Variants in CNTNAP2 observed in about 807,000 individuals in gnomAD.
The protein encoded by CNTNAP2 is contactin-associated protein-like 2.
CNTNAP2 carries 98 observed loss-of-function variants against 155.2 expected under a neutral mutation model. The ratio of observed to expected loss-of-function variants is 0.63; its 90% CI spans 0.54 to 0.75. The LOEUF (loss-of-function observed/expected upper bound fraction) is 0.75, where lower values mean the gene tolerates loss of function less well. CNTNAP2 is among the 30% of genes least tolerant of loss of function. The pLI, the probability that CNTNAP2 is intolerant of heterozygous loss-of-function variation, is 0.00. For missense variants in CNTNAP2, 1,727 were observed against 1,688.1 expected, an observed-to-expected ratio of 1.02 and a Z score of -0.40; for synonymous variants, 651 against 631.2, an observed-to-expected ratio of 1.03 and a Z score of -0.47.
At chr7:146,733,369 C>A (rs113808410) in intron 1 of CNTNAP2, among the ~76,000 whole-genome samples, 315 of 152,066 alleles carry the variant, frequency 2.1e-3, no homozygotes, top group African/African-American at 7.1e-3. Context: ...TTTCAGTTGT[C>A]ATTTTATTCG....
chr7:147,314,668 C>T (rs374233523), intron 9 of CNTNAP2, among the ~76,000 whole-genome samples: 2 of 150,900 alleles, frequency 1.3e-5, no homozygotes, highest in Non-Finnish European at 3.0e-5. Context: ...CCTTTAATAT[C>T]TTTGGAACTT....
chr7:146,365,695 T>G (rs1584891050), intron 1 of CNTNAP2, among the ~76,000 whole-genome samples: 1 of 152,204 alleles, frequency 6.6e-6, no homozygotes, highest in Non-Finnish European at 1.5e-5. Flanking sequence ...TGAACTATAA[T>G]ATGGCAATGA....
intron 14 of CNTNAP2, among the ~76,000 whole-genome samples, chr7:147,921,182 A>G (rs920011071): frequency 2.0e-5 from 3 of 152,054 alleles, no homozygotes; most frequent in Non-Finnish European, 1.5e-5. Flanking sequence ...TTATTTTCAT[A>G]ATAATGAATT....
chr7:147,564,684 T>A (rs1317098050), intron 12 of CNTNAP2, among the ~76,000 whole-genome samples: 5 of 152,212 alleles, frequency 3.3e-5, no homozygotes, highest in Non-Finnish European at 7.3e-5. Flanking sequence ...ACTAGTCTAC[T>A]CTCAGGAGAG....
chr7:148,248,465 G>A (rs578062812), intron 20 of CNTNAP2, among the ~76,000 whole-genome samples: 2 of 152,298 alleles, frequency 1.3e-5, no homozygotes, highest in African/African-American at 4.8e-5. Context: ...CCAAAGTGCT[G>A]GGATTACAGG....
intron 13 of CNTNAP2, among the ~76,000 whole-genome samples, chr7:147,663,068 G>A (rs574736499): frequency 3.9e-5 from 6 of 152,050 alleles, no homozygotes; most frequent in Non-Finnish European, 8.8e-5. Context: ...GCGCGTTCTC[G>A]GCTCACTGCA....
intron 13 of CNTNAP2, among the ~76,000 whole-genome samples, chr7:147,656,807 C>T (rs932363545): frequency 6.6e-5 from 10 of 152,230 alleles, no homozygotes; most frequent in East Asian, 3.9e-4. Context: ...TAGATTTACT[C>T]GAAGCAGGGT....
At chr7:146,805,703 C>T (rs573213953) in intron 2 of CNTNAP2, among the ~76,000 whole-genome samples, 24 of 152,144 alleles carry the variant, frequency 1.6e-4, no homozygotes, top group African/African-American at 2.7e-4. Context: ...GCAGCCACAC[C>T]GTAACTAGTT....
intron 8 of CNTNAP2, among the ~76,000 whole-genome samples, chr7:147,225,894 G>T (rs545916822): frequency 8.6e-6 from 1 of 116,626 alleles, no homozygotes; most frequent in Non-Finnish European, 1.9e-5. Context: ...AAGGAAGGAA[G>T]GAAGGAAGGA....
At chr7:147,619,005 TC>T (rs1362959063) in intron 12 of CNTNAP2, among the ~76,000 whole-genome samples, 1 of 152,184 alleles carries the variant, frequency 6.6e-6, no homozygotes, top group South Asian at 2.1e-4. Context: ...GGAACAGGTC[TC>T]CAGAGTATGT....
intron 8 of CNTNAP2, among the ~76,000 whole-genome samples, chr7:147,213,703 G>A (rs977653752): frequency 2.0e-5 from 3 of 152,040 alleles, no homozygotes; most frequent in Admixed American, 6.6e-5. Flanking sequence ...GCAAAGTCCC[G>A]TGATAGGTTG....
chr7:147,000,312 G>A (rs933057582), intron 3 of CNTNAP2, among the ~76,000 whole-genome samples: 4 of 151,566 alleles, frequency 2.6e-5, no homozygotes. Context: ...TTTGACATTT[G>A]TTGAGCTTCC....
intron 15 of CNTNAP2, among the ~76,000 whole-genome samples, chr7:148,054,593 G>T (rs1208954391): frequency 6.6e-6 from 1 of 151,498 alleles, no homozygotes. Context: ...AGAACTCTAT[G>T]CTCCCTAACT....
intron 1 of CNTNAP2, among the ~76,000 whole-genome samples, chr7:146,533,388 G>C (rs1797799556): frequency 6.6e-6 from 1 of 151,828 alleles, no homozygotes; most frequent in African/African-American, 2.4e-5. Flanking sequence ...AAAAGATGAA[G>C]ATAAAGCAAC....
chr7:146,577,530 T>C (rs1437409852), intron 1 of CNTNAP2, among the ~76,000 whole-genome samples: 1 of 152,082 alleles, frequency 6.6e-6, no homozygotes, highest in Non-Finnish European at 1.5e-5. Flanking sequence ...ACTTTTAAAT[T>C]TTTTTTGTTT....
intron 21 of CNTNAP2, among the ~76,000 whole-genome samples, chr7:148,290,136 A>G (rs973620007): frequency 1.3e-5 from 2 of 152,234 alleles, no homozygotes; most frequent in Non-Finnish European, 2.9e-5. Context: ...TAATATAGCA[A>G]CATAATTGAA....
intron 3 of CNTNAP2, among the ~76,000 whole-genome samples, chr7:146,958,320 T>C (rs1039367270): frequency 6.6e-6 from 1 of 152,088 alleles, no homozygotes; most frequent in Non-Finnish European, 1.5e-5. Flanking sequence ...TCACACATCA[T>C]GTACCAAACA....
At chr7:146,692,297 T>C (rs1324809731) in intron 1 of CNTNAP2, among the ~76,000 whole-genome samples, 1 of 152,148 alleles carries the variant, frequency 6.6e-6, no homozygotes, top group Admixed American at 6.6e-5. Flanking sequence ...ATGTTGTATT[T>C]GAATTGACAT....
At chr7:147,346,129 T>C (rs1795852339) in intron 9 of CNTNAP2, among the ~76,000 whole-genome samples, 1 of 56,118 alleles carries the variant, frequency 1.8e-5, no homozygotes, top group Non-Finnish European at 2.9e-5. Flanking sequence ...TAATCGAAGA[T>C]TTTATTTTAT....
Sources: gnomAD v4.1 joint callset for allele counts (sites outside exome capture counted in the v4.1 genomes callset) on GRCh38, gnomAD v4.1.1 for gene constraint, MANE v1.5 for transcripts, NCBI Gene and HGNC (gene_info 2026-07-23, HGNC 2026-07-21) for gene names.